PARD3: variants seen among roughly 807,000 people sequenced by gnomAD.
PARD3 encodes the protein partitioning defective 3 homolog.
In PARD3, 75 loss-of-function variants were observed where a neutral mutation model predicts 155.4. The ratio of observed to expected loss-of-function variants is 0.48; its 90% CI spans 0.40 to 0.58. The LOEUF is 0.58. Among genes scored for constraint, PARD3 ranks in the 20% least tolerant of loss-of-function variants. The pLI is 0.00. For synonymous variants in PARD3, 576 were observed against 610.5 expected (o/e 0.94, Z 0.83); for missense variants, 1,642 against 1,721.7 (o/e 0.95, Z 0.82).
chr10:34,691,621 C>G (rs2094063529), intron 2 of PARD3, among the ~76,000 whole-genome samples: 1 of 152,142 alleles, frequency 6.6e-6, no homozygotes, highest in South Asian at 2.1e-4. Flanking sequence ...TGAAAAAGAG[C>G]CTGAATAGCC....
chr10:34,132,315 A>C (rs1947654782), intron 22 of PARD3, among the ~76,000 whole-genome samples: 1 of 146,862 alleles, frequency 6.8e-6, no homozygotes. Flanking sequence ...AGTATTTCAC[A>C]CACCCACCCA....
chr10:34,275,066 A>G (rs1955811026), intron 21 of PARD3, among the ~76,000 whole-genome samples: 1 of 152,218 alleles, frequency 6.6e-6, no homozygotes, highest in South Asian at 2.1e-4. Flanking sequence ...TATAAAGCCC[A>G]GATCTCAGCT....
chr10:34,542,234 T>TGTAC (rs1554889670), intron 2 of PARD3, among the ~76,000 whole-genome samples: 1,640 of 146,286 alleles, frequency 0.011, 56 homozygotes, highest in African/African-American at 0.038. Context: ...TGTGTGTGTG[T>TGTAC]GTGTGCACAC....
chr10:34,671,454 T>TA (rs901050537), intron 2 of PARD3, among the ~76,000 whole-genome samples: 23 of 152,226 alleles, frequency 1.5e-4, no homozygotes, highest in African/African-American at 5.5e-4. Flanking sequence ...ATCTTAATTT[T>TA]AAAAAAACTT....
At chr10:34,724,704 G>A (rs7091786) in intron 1 of PARD3, among the ~76,000 whole-genome samples, 86,318 of 152,066 alleles carry the variant, frequency 0.57, 25,935 homozygotes, top group Non-Finnish European at 0.67. Context: ...TATTAACTCA[G>A]GACAAAGGCA....
intron 2 of PARD3, among the ~76,000 whole-genome samples, chr10:34,613,997 G>A (rs2091086468): frequency 1.3e-5 from 2 of 152,004 alleles, no homozygotes; most frequent in East Asian, 1.9e-4. Flanking sequence ...TATCCTTATA[G>A]GAAAAGTTTA....
intron 4 of PARD3, among the ~76,000 whole-genome samples, chr10:34,462,234 T>G (rs2077697882): frequency 1.3e-5 from 2 of 152,202 alleles, no homozygotes; most frequent in Non-Finnish European, 2.9e-5. Context: ...GAGCTACAGG[T>G]CTGTCACAGA....
chr10:34,688,687 G>GTTA (rs941858449), intron 2 of PARD3, among the ~76,000 whole-genome samples: 17 of 151,994 alleles, frequency 1.1e-4, no homozygotes, highest in Admixed American at 3.9e-4. Flanking sequence ...AACAAATTTG[G>GTTA]GTAAATCCTG....
At chr10:34,496,990 C>T (rs532406387) in intron 3 of PARD3, among the ~76,000 whole-genome samples, 16 of 152,088 alleles carry the variant, frequency 1.1e-4, no homozygotes, top group Non-Finnish European at 4.4e-5. Context: ...TGGATGAGTT[C>T]GTAGGAGTAT....
At chr10:34,722,105 C>A (rs1251370407) in intron 1 of PARD3, among the ~76,000 whole-genome samples, 1 of 152,134 alleles carries the variant, frequency 6.6e-6, no homozygotes, top group Non-Finnish European at 1.5e-5. Flanking sequence ...GGTAGGAGGA[C>A]CACCTGAGCC....
intron 1 of PARD3, among the ~76,000 whole-genome samples, chr10:34,778,334 G>A (rs773788462): frequency 6.6e-6 from 1 of 152,172 alleles, no homozygotes; most frequent in Non-Finnish European, 1.5e-5. Flanking sequence ...CAGAAATGAG[G>A]CAAAGGCTGG....
intron 1 of PARD3, among the ~76,000 whole-genome samples, chr10:34,781,937 T>C (rs939428569): frequency 6.6e-6 from 1 of 152,228 alleles, no homozygotes; most frequent in African/African-American, 2.4e-5. Context: ...CAGAACTGTA[T>C]AATTAATGGA....
intron 22 of PARD3, among the ~76,000 whole-genome samples, chr10:34,160,712 A>G (rs1402772963): frequency 6.6e-6 from 1 of 152,164 alleles, no homozygotes; most frequent in African/African-American, 2.4e-5. Flanking sequence ...CAAGAGAACA[A>G]TGGTGCACAT....
intron 9 of PARD3, among the ~76,000 whole-genome samples, chr10:34,379,461 T>A (rs11009761): frequency 6.6e-6 from 1 of 152,068 alleles, no homozygotes; most frequent in South Asian, 2.1e-4. Flanking sequence ...ATGTTTGTTA[T>A]TGCTCTGGGG....
At chr10:34,812,119 A>C (rs1310245461) in intron 1 of PARD3, among the ~76,000 whole-genome samples, 1 of 152,232 alleles carries the variant, frequency 6.6e-6, no homozygotes, top group East Asian at 1.9e-4. Flanking sequence ...TATCCAGAAA[A>C]ATTGATTTGT....
chr10:34,451,403 T>C (rs2077048444), intron 4 of PARD3, among the ~76,000 whole-genome samples: 1 of 152,180 alleles, frequency 6.6e-6, no homozygotes, highest in African/African-American at 2.4e-5. Context: ...GTAACACTGT[T>C]AAGAGTAATC....
intron 22 of PARD3, among the ~76,000 whole-genome samples, chr10:34,151,416 G>GT (rs60968002): frequency 0.055 from 8,370 of 151,258 alleles, 580 homozygotes; most frequent in African/African-American, 0.17. Context: ...GAGAAGAGAG[G>GT]TTTTTTTTTA....
chr10:34,370,804 T>TGG (rs1491191413), intron 12 of PARD3, among the ~76,000 whole-genome samples: 1 of 113,104 alleles, frequency 8.8e-6, no homozygotes, highest in African/African-American at 3.5e-5. Context: ...CAGATACAAA[T>TGG]GGGGTGTGTG....
In PARD3 at chr10:34,349,580, T is replaced by TAA; in HGVS notation, c.2068-1467_2068-1466dup. ...TAAATTCCAAGAGACTCTGGGAAAG[T>TAA]AAAAAAAAAAAAAAAAAAAAAAAAA... On this transcript the variant is annotated intron_variant, in intron 14 of 24. Coordinates refer to ENST00000374788, the MANE Select transcript of PARD3 (RefSeq NM_001184785.2). Among the ~76,000 whole-genome samples the TAA allele has an allele frequency of 9.2e-3, 410 of 44,706 alleles. 24 individuals are homozygous for TAA. The highest frequency in any genetic ancestry group is 0.026 in the African/African-American group (229 of 8,880). 29.3% of individuals were successfully genotyped at this position (44,706 alleles called of 152,430 possible). A position where few individuals can be genotyped will look rare whatever the true frequency, so the allele number is the denominator to read the frequency against.
Sources: allele counts gnomAD v4.1 joint callset (sites outside exome capture counted in the v4.1 genomes callset), GRCh38; gene constraint gnomAD v4.1.1; transcripts MANE v1.5; gene names NCBI Gene and HGNC (gene_info 2026-07-23, HGNC 2026-07-21).